The following CSMD1 variants were observed in gnomAD, a reference collection of about 807,000 sequenced individuals.
CSMD1 encodes the protein CUB and sushi domain-containing protein 1.
Under a neutral mutation model 417.5 loss-of-function variants are expected in CSMD1, and 213 were observed. The observed-to-expected ratio is 0.51, with a 90% CI of 0.46 to 0.57. The LOEUF is 0.57. Among genes scored for constraint, CSMD1 ranks in the 20% least tolerant of loss-of-function variants. The pLI is 0.00. For synonymous variants in CSMD1, 2,862 were observed against 1,736.8 expected (o/e 1.65, Z -16.11); for missense variants, 6,923 against 4,529.7 (o/e 1.53, Z -15.17).
intron 2 of CSMD1, among the ~76,000 whole-genome samples, chr8:4,601,935 C>T (rs1255856749): frequency 1.3e-5 from 2 of 152,112 alleles, no homozygotes; most frequent in Non-Finnish European, 2.9e-5. Context: ...CCTTGTGAAG[C>T]TTATACACAG....
chr8:3,274,133 G>C (rs1457914153), intron 26 of CSMD1, among the ~76,000 whole-genome samples: 23 of 151,724 alleles, frequency 1.5e-4, no homozygotes, highest in African/African-American at 5.6e-4. Context: ...TTGTGTCTTT[G>C]TTCTCGTTGG....
At chr8:3,416,359 C>G (rs1031261621) in intron 12 of CSMD1, among the ~76,000 whole-genome samples, 3 of 150,290 alleles carry the variant, frequency 2.0e-5, no homozygotes, top group East Asian at 1.9e-4. Flanking sequence ...AAAACTGGCC[C>G]TTTAACAAAA....
At chr8:4,009,685 TGAGGAAGGAAGGGC>T (rs1228260917) in intron 4 of CSMD1, among the ~76,000 whole-genome samples, 8 of 152,010 alleles carry the variant, frequency 5.3e-5, no homozygotes, top group African/African-American at 1.9e-4. Flanking sequence ...GAGATATTAT[TGAGGAAGGAAGGGC>T]CACAAAGAGT....
chr8:3,717,158 A>G (rs1270562301), intron 6 of CSMD1, among the ~76,000 whole-genome samples: 1 of 152,144 alleles, frequency 6.6e-6, no homozygotes, highest in Non-Finnish European at 1.5e-5. Context: ...TAAAATTTTT[A>G]TTTTCGTCGA....
At chr8:4,830,802 G>A (rs1043997969) in intron 1 of CSMD1, among the ~76,000 whole-genome samples, 13 of 152,164 alleles carry the variant, frequency 8.5e-5, no homozygotes, top group African/African-American at 3.1e-4. Context: ...AGCCTACTGT[G>A]AGGTTAATGT....
At chr8:4,929,505 A>G (rs888248045) in intron 1 of CSMD1, among the ~76,000 whole-genome samples, 1 of 152,286 alleles carries the variant, frequency 6.6e-6, no homozygotes, top group Non-Finnish European at 1.5e-5. Context: ...TATTTCAGGG[A>G]ACTCCTGTCT....
chr8:4,177,185 G>C (rs145043484), intron 3 of CSMD1, among the ~76,000 whole-genome samples: 80 of 152,200 alleles, frequency 5.3e-4, no homozygotes, highest in African/African-American at 1.7e-3. Flanking sequence ...TGGAAGTAAA[G>C]CTCTCCTCAG....
intron 2 of CSMD1, among the ~76,000 whole-genome samples, chr8:4,470,202 T>C (rs1034114349): frequency 2.6e-5 from 4 of 152,136 alleles, no homozygotes; most frequent in African/African-American, 9.7e-5. Flanking sequence ...ATCCTTCACC[T>C]GCCTCCTCTG....
intron 5 of CSMD1, among the ~76,000 whole-genome samples, chr8:3,861,259 T>G (rs1490099100): frequency 6.6e-6 from 1 of 152,220 alleles, no homozygotes; most frequent in Non-Finnish European, 1.5e-5. Flanking sequence ...CAACGTACTA[T>G]GTACCTGCAC....
At chr8:3,821,038 TC>T (rs1475204973) in intron 5 of CSMD1, among the ~76,000 whole-genome samples, 1 of 152,038 alleles carries the variant, frequency 6.6e-6, no homozygotes, top group African/African-American at 2.4e-5. Flanking sequence ...CGCCTCAGCC[TC>T]CCCAGTAGCT....
intron 2 of CSMD1, among the ~76,000 whole-genome samples, chr8:4,511,977 G>C (rs372321877): frequency 2.7e-3 from 415 of 152,110 alleles, no homozygotes; most frequent in African/African-American, 9.6e-3. Context: ...ACCAGACAGA[G>C]GCATTCCAAA....
chr8:3,678,205 G>C (rs749598452), intron 7 of CSMD1, among the ~76,000 whole-genome samples: 20 of 152,312 alleles, frequency 1.3e-4, no homozygotes, highest in Middle Eastern at 3.4e-3. Flanking sequence ...TTGATGAGCT[G>C]AGAGAAGAAG....
chr8:4,278,306 C>G (rs1700028), intron 3 of CSMD1, among the ~76,000 whole-genome samples: 3 of 152,044 alleles, frequency 2.0e-5, no homozygotes, highest in African/African-American at 7.3e-5. Context: ...AAAAACACAG[C>G]GGTAGTGCTG....
chr8:4,425,986 A>G (rs938624227), intron 2 of CSMD1, among the ~76,000 whole-genome samples: 1 of 152,098 alleles, frequency 6.6e-6, no homozygotes, highest in African/African-American at 2.4e-5. Context: ...GCCCAAAATT[A>G]AAGAGGTATA....
chr8:4,918,137 ATTC>A (rs1806193900), intron 1 of CSMD1, among the ~76,000 whole-genome samples: 2 of 152,218 alleles, frequency 1.3e-5, no homozygotes, highest in South Asian at 4.1e-4. Flanking sequence ...CCCCTGAAAA[ATTC>A]TTCCTTTGAA....
intron 2 of CSMD1, among the ~76,000 whole-genome samples, chr8:4,489,945 C>T (rs984736461): frequency 1.3e-5 from 2 of 151,902 alleles, no homozygotes; most frequent in African/African-American, 2.4e-5. Flanking sequence ...TGTCTGTGAT[C>T]GTCATTAAGT....
At chr8:3,757,276 G>A (rs1040426299) in intron 5 of CSMD1, among the ~76,000 whole-genome samples, 1 of 152,172 alleles carries the variant, frequency 6.6e-6, no homozygotes, top group Non-Finnish European at 1.5e-5. Flanking sequence ...GGGCCAGGGA[G>A]TACGTACGTA....
chr8:3,514,808 G>C (rs143154774), intron 10 of CSMD1, among the ~76,000 whole-genome samples: 2 of 151,922 alleles, frequency 1.3e-5, no homozygotes, highest in Non-Finnish European at 2.9e-5. Flanking sequence ...ACTTACAGTG[G>C]GTACCTATAT....
intron 3 of CSMD1, among the ~76,000 whole-genome samples, chr8:4,098,089 C>T (rs775464493): frequency 6.6e-6 from 1 of 152,136 alleles, no homozygotes; most frequent in Non-Finnish European, 1.5e-5. Context: ...TAAAATATCT[C>T]AACAACAAAG....
Sources: gnomAD v4.1 joint callset for allele counts (sites outside exome capture counted in the v4.1 genomes callset) on GRCh38, gnomAD v4.1.1 for gene constraint, MANE v1.5 for transcripts, NCBI Gene and HGNC (gene_info 2026-07-23, HGNC 2026-07-21) for gene names.